DCDC1: variants seen among roughly 807,000 people sequenced by gnomAD.
DCDC1 encodes the protein doublecortin domain containing 1.
DCDC1 carries 200 observed loss-of-function variants against 178.3 expected under a neutral mutation model. That is an observed-to-expected ratio of 1.12 (90% CI 1.00 to 1.26). The LOEUF (loss-of-function observed/expected upper bound fraction) is 1.26, where lower values mean the gene tolerates loss of function less well. DCDC1 is among the 50% of genes most tolerant of loss of function. The pLI is 0.00. For synonymous variants in DCDC1, 690 were observed against 604.8 expected, an observed-to-expected ratio of 1.14 and a Z score of -2.07; for missense variants, 1,983 against 1,749.2, an observed-to-expected ratio of 1.13 and a Z score of -2.38.
intron 1 of DCDC1, among the ~76,000 whole-genome samples, chr11:31,367,160 A>G (rs1461574613): frequency 6.6e-6 from 1 of 152,192 alleles, no homozygotes; most frequent in Non-Finnish European, 1.5e-5. Context: ...TTAGCCAGGC[A>G]TAGTGGCATG....
chr11:31,178,510 A>G (rs1415370111), intron 9 of DCDC1, among the ~76,000 whole-genome samples: 1 of 152,234 alleles, frequency 6.6e-6, no homozygotes, highest in African/African-American at 2.4e-5. Flanking sequence ...ACAAGTAAAA[A>G]TAGACAAATG....
intron 20 of DCDC1, among the ~76,000 whole-genome samples, chr11:30,988,762 C>T (rs1476522499): frequency 6.6e-6 from 1 of 152,168 alleles, no homozygotes; most frequent in African/African-American, 2.4e-5. Context: ...AGAAAGTTTA[C>T]AAATTTGTGT....
At chr11:31,191,600 C>T (rs1355840183) in intron 9 of DCDC1, among the ~76,000 whole-genome samples, 1 of 151,818 alleles carries the variant, frequency 6.6e-6, no homozygotes, top group East Asian at 1.9e-4. Context: ...TTAATCAGTT[C>T]TCATTAAATC....
chr11:31,278,499 C>T (rs1181021726), intron 7 of DCDC1, among the ~76,000 whole-genome samples: 1 of 152,008 alleles, frequency 6.6e-6, no homozygotes, highest in African/African-American at 2.4e-5. Context: ...ATGGTGATTA[C>T]AGGAGACTGC....
At chr11:30,942,895 G>T (rs886616294) in intron 21 of DCDC1, among the ~76,000 whole-genome samples, 1 of 152,148 alleles carries the variant, frequency 6.6e-6, no homozygotes, top group Admixed American at 6.5e-5. Context: ...TACTACTGTC[G>T]GTTCTTCCTT....
chr11:31,039,625 G>C (rs997512180), intron 20 of DCDC1, among the ~76,000 whole-genome samples: 2 of 152,048 alleles, frequency 1.3e-5, no homozygotes, highest in Non-Finnish European at 2.9e-5. Context: ...AGAAATTATA[G>C]ATTTACAGCC....
chr11:31,237,800 A>G (rs1396381767), intron 9 of DCDC1, among the ~76,000 whole-genome samples: 3 of 152,074 alleles, frequency 2.0e-5, no homozygotes, highest in Non-Finnish European at 2.9e-5. Flanking sequence ...CTAAAATTTA[A>G]TATCAAACAA....
intron 9 of DCDC1, among the ~76,000 whole-genome samples, chr11:31,150,279 T>C (rs1244898897): frequency 3.3e-5 from 5 of 152,210 alleles, no homozygotes; most frequent in Admixed American, 3.3e-4. Context: ...GATTGCATGC[T>C]ATGTAAATGT....
chr11:31,218,000 C>T (rs1266052368), intron 9 of DCDC1, among the ~76,000 whole-genome samples: 1 of 152,032 alleles, frequency 6.6e-6, no homozygotes, highest in Non-Finnish European at 1.5e-5. Flanking sequence ...AAAGAAATAT[C>T]AGCATTACAA....
Position 31,305,598 on chromosome 11 carries a change from T to C in DCDC1, c.754+17A>G. Reference sequence around the variant, plus strand: ...TCAGTATGTGTGGGGGTAGGGTATTTTTTAGATCTTTTTTACCTTTAATTT... The same window carrying C: ...TCAGTATGTGTGGGGGTAGGGTATTCTTTAGATCTTTTTTACCTTTAATTT... On this transcript the variant is annotated intron_variant, in intron 6 of 38. Transcript: ENST00000684477. 1 of 1,612,574 alleles carries C rather than the reference T, an allele frequency of 6.2e-7. No homozygotes were observed. The highest frequency in any genetic ancestry group is 8.5e-7 in the Non-Finnish European group (1 of 1,179,134).
chr11:31,250,786 C>T (rs1208555841), intron 8 of DCDC1, among the ~76,000 whole-genome samples: 3 of 150,608 alleles, frequency 2.0e-5, no homozygotes, highest in East Asian at 2.0e-4. Context: ...GACGGAGTCT[C>T]GCTCTGTTGC....
intron 9 of DCDC1, among the ~76,000 whole-genome samples, chr11:31,177,337 C>T (rs1421990125): frequency 1.3e-5 from 2 of 151,416 alleles, no homozygotes; most frequent in Non-Finnish European, 2.9e-5. Context: ...CTTAGCACCA[C>T]AGAAAACCAC....
At chr11:31,059,799 T>G (rs1490014401) in intron 20 of DCDC1, among the ~76,000 whole-genome samples, 1 of 152,050 alleles carries the variant, frequency 6.6e-6, no homozygotes, top group Admixed American at 6.6e-5. Context: ...ACCAACTATA[T>G]GCAAAGCTAC....
chr11:31,213,077 G>C (rs1972825892), intron 9 of DCDC1, among the ~76,000 whole-genome samples: 2 of 138,134 alleles, frequency 1.4e-5, no homozygotes, highest in Non-Finnish European at 3.1e-5. Flanking sequence ...GTGAAACTGT[G>C]TCATCTTCTA....
intron 36 of DCDC1, among the ~76,000 whole-genome samples, chr11:30,886,077 T>C (rs1943141819): frequency 6.6e-6 from 1 of 152,052 alleles, no homozygotes; most frequent in Admixed American, 6.6e-5. Context: ...ACAGACCAAC[T>C]TGTAAAATTG....
At chr11:31,213,220 G>GTCAC (rs1381179736) in intron 9 of DCDC1, among the ~76,000 whole-genome samples, 1 of 143,512 alleles carries the variant, frequency 7.0e-6, no homozygotes, top group Admixed American at 7.2e-5. Flanking sequence ...TGGCTCTTCA[G>GTCAC]TCACTTCACC....
At chr11:31,349,903 T>C (rs983820203) in intron 1 of DCDC1, among the ~76,000 whole-genome samples, 1 of 152,224 alleles carries the variant, frequency 6.6e-6, no homozygotes, top group African/African-American at 2.4e-5. Flanking sequence ...ATATTTACTA[T>C]GTTACTAAAT....
At chr11:31,300,827 C>A (rs780942049) in intron 6 of DCDC1, among the ~76,000 whole-genome samples, 1 of 152,112 alleles carries the variant, frequency 6.6e-6, no homozygotes, top group African/African-American at 2.4e-5. Flanking sequence ...TATAGGTTTG[C>A]AAGCATCTGT....
intron 21 of DCDC1, among the ~76,000 whole-genome samples, chr11:30,933,955 G>C (rs1335319975): frequency 1.3e-5 from 2 of 152,134 alleles, no homozygotes; most frequent in Non-Finnish European, 1.5e-5. Context: ...AGGAATGAAA[G>C]TACAACATTT....
Sources: allele counts gnomAD v4.1 joint callset (sites outside exome capture counted in the v4.1 genomes callset), GRCh38; gene constraint gnomAD v4.1.1; transcripts MANE v1.5; gene names NCBI Gene and HGNC (gene_info 2026-07-23, HGNC 2026-07-21).